The following AFAP1 variants were observed in gnomAD, a reference collection of about 807,000 sequenced individuals.
AFAP1 encodes the protein actin filament-associated protein 1.
Under a neutral mutation model 93.9 loss-of-function variants are expected in AFAP1, and 75 were observed. The observed-to-expected ratio is 0.80, with a 90% CI of 0.66 to 0.97. AFAP1 has a LOEUF of 0.97. AFAP1 is among the 50% of genes least tolerant of loss of function. The pLI, the probability that AFAP1 is intolerant of heterozygous loss-of-function variation, is 0.00. For missense variants in AFAP1, 1,201 were observed against 1,050.8 expected, an observed-to-expected ratio of 1.14 and a Z score of -1.98; for synonymous variants, 517 against 430.7, an observed-to-expected ratio of 1.20 and a Z score of -2.48.
At chr4:7,868,566 G>A (rs754913706) in intron 3 of AFAP1, 56 bp downstream of exon 3, 33 of 1,518,668 alleles carry the variant, frequency 2.2e-5, no homozygotes, top group Non-Finnish European at 2.8e-5. Context: ...CCTGGAGCCC[G>A]TAAGTACCCC....
chr4:7,868,517 A>C, intron 3 of AFAP1, 105 bp downstream of exon 3: 2 of 940,202 alleles, frequency 2.1e-6, no homozygotes, highest in Non-Finnish European at 3.1e-6. Context: ...GAGACAAATA[A>C]GGGCTCCATT....
chr4:7,809,770 A>C lies in AFAP1; in HGVS notation c.905-7T>G, dbSNP rs1201672584. 6.2e-7 allele frequency: 1 copy of C among 1,609,702 alleles called. No homozygotes were observed. The highest frequency in any genetic ancestry group is 8.5e-7 in the Non-Finnish European group (1 of 1,178,884). On this transcript the variant is annotated splice_polypyrimidine_tract_variant and splice_region_variant and intron_variant, in intron 8 of 17. Coordinates refer to ENST00000420658, the MANE Select transcript of AFAP1 (RefSeq NM_001134647.2). ...GAACTTTTCTTCCTCTTCACTGTCA[A>C]GAGTAACAACAGCAAAAAAGCATGT...
At chr4:7,876,611 C>A (rs1228040149) in intron 1 of AFAP1, among the ~76,000 whole-genome samples, 1 of 152,208 alleles carries the variant, frequency 6.6e-6, no homozygotes, top group Non-Finnish European at 1.5e-5. Flanking sequence ...GGCAGCCCCG[C>A]AAGAGAGGAA....
chr4:7,822,270 G>A (rs1721032680), intron 6 of AFAP1, among the ~76,000 whole-genome samples: 1 of 152,116 alleles, frequency 6.6e-6, no homozygotes, highest in African/African-American at 2.4e-5. Flanking sequence ...TCAGAGCCTT[G>A]CTTCCTTCCT....
At chr4:7,844,790 G>C (rs1034159502) in intron 4 of AFAP1, among the ~76,000 whole-genome samples, 1 of 152,222 alleles carries the variant, frequency 6.6e-6, no homozygotes, top group Non-Finnish European at 1.5e-5. Flanking sequence ...AGCTGCGCTG[G>C]ATGATAAGCT....
At chr4:7,817,896 T>C (rs929375139) in intron 7 of AFAP1, among the ~76,000 whole-genome samples, 3 of 152,214 alleles carry the variant, frequency 2.0e-5, no homozygotes, top group Non-Finnish European at 2.9e-5. Flanking sequence ...CTATGTGCTG[T>C]TGTAATGAGT....
At chr4:7,882,113 G>T (rs71601887) in intron 1 of AFAP1, among the ~76,000 whole-genome samples, 1 of 151,984 alleles carries the variant, frequency 6.6e-6, no homozygotes, top group Non-Finnish European at 1.5e-5. Context: ...CTAAAACTAT[G>T]AAGTCCTAAA....
At chr4:7,825,428 T>C (rs1299622472) in intron 6 of AFAP1, among the ~76,000 whole-genome samples, 5 of 152,170 alleles carry the variant, frequency 3.3e-5, no homozygotes, top group African/African-American at 1.2e-4. Flanking sequence ...TTCTTTCAAA[T>C]TAAAAACAGA....
At chr4:7,913,144 T>C (rs1719861507) in intron 1 of AFAP1, among the ~76,000 whole-genome samples, 1 of 152,172 alleles carries the variant, frequency 6.6e-6, no homozygotes, top group Non-Finnish European at 1.5e-5. Context: ...ATCACAGCAC[T>C]GTGGGAAGAT....
chr4:7,773,891 G>C (rs550268368), intron 15 of AFAP1: 1 of 152,514 alleles, frequency 6.6e-6, no homozygotes, highest in East Asian at 1.9e-4. Flanking sequence ...GGCTGGAGCT[G>C]CTAACCACCT....
intron 1 of AFAP1, among the ~76,000 whole-genome samples, chr4:7,872,944 A>AG (rs1359851612): frequency 6.8e-6 from 1 of 147,284 alleles, no homozygotes; most frequent in African/African-American, 2.5e-5. Flanking sequence ...TTTTTTAAAA[A>AG]AAAAAAAAAA....
At chr4:7,917,817 T>G (rs186562962) in intron 1 of AFAP1, among the ~76,000 whole-genome samples, 21 of 152,326 alleles carry the variant, frequency 1.4e-4, no homozygotes, top group Admixed American at 1.1e-3. Context: ...GCTTTCCTCC[T>G]GCGTCTTTCA....
At position 7,816,015 on chromosome 4, in the gene AFAP1, C is replaced by A; in HGVS notation, c.904+3G>T. ...ATATGTTTTTGGCACAAGCAGAACTCACCTTGCTCCTTTCCATTACATGTG... is the reference window on the plus strand; with the variant it reads ...ATATGTTTTTGGCACAAGCAGAACTAACCTTGCTCCTTTCCATTACATGTG... On this transcript the variant is annotated splice_donor_region_variant and intron_variant, in intron 8 of 17. Coordinates refer to ENST00000420658, the MANE Select transcript of AFAP1 (RefSeq NM_001134647.2). 1.2e-6 allele frequency: 2 copies of A among 1,609,084 alleles called. No individual in the cohort carries two copies. Among genetic ancestry groups the A allele is most frequent in the South Asian group, 2.2e-5 (2 of 90,508 alleles).
intron 6 of AFAP1, among the ~76,000 whole-genome samples, chr4:7,826,089 G>A (rs925864832): frequency 1.1e-4 from 16 of 152,208 alleles, no homozygotes; most frequent in Non-Finnish European, 1.8e-4. Context: ...CCTTCTAACT[G>A]GTAGAATGGT....
intron 3 of AFAP1, among the ~76,000 whole-genome samples, chr4:7,859,751 A>C (rs570393856): frequency 6.8e-4 from 104 of 152,240 alleles, no homozygotes; most frequent in Non-Finnish European, 1.2e-3. Flanking sequence ...AATATAACCT[A>C]GGCTCGTGGG....
intron 1 of AFAP1, among the ~76,000 whole-genome samples, chr4:7,901,575 A>G (rs538774438): frequency 6.6e-6 from 1 of 152,296 alleles, no homozygotes; most frequent in Non-Finnish European, 1.5e-5. Context: ...GAGGCCATTC[A>G]CTTTGTGAGA....
intron 1 of AFAP1, among the ~76,000 whole-genome samples, chr4:7,936,628 C>T (rs1721399930): frequency 6.7e-6 from 1 of 148,262 alleles, no homozygotes; most frequent in Non-Finnish European, 1.5e-5. Context: ...GTCACCCAGG[C>T]TGGAGTGCAG....
At chr4:7,903,410 T>G (rs1389025789) in intron 1 of AFAP1, among the ~76,000 whole-genome samples, 1 of 152,238 alleles carries the variant, frequency 6.6e-6, no homozygotes, top group African/African-American at 2.4e-5. Flanking sequence ...CCAGGCGCGG[T>G]GGCTCACACC....
chr4:7,836,757 T>G (rs1712349109), intron 6 of AFAP1, among the ~76,000 whole-genome samples: 1 of 152,114 alleles, frequency 6.6e-6, no homozygotes, highest in Non-Finnish European at 1.5e-5. Context: ...CAGTACAGTG[T>G]TCTTTTTGGA....
Sources: gnomAD v4.1 joint callset for allele counts (sites outside exome capture counted in the v4.1 genomes callset) on GRCh38, gnomAD v4.1.1 for gene constraint, MANE v1.5 for transcripts, NCBI Gene and HGNC (gene_info 2026-07-23, HGNC 2026-07-21) for gene names.